The following RANBP17 variants were observed in gnomAD, a reference collection of about 807,000 sequenced individuals.
RANBP17 encodes ran-binding protein 17.
A neutral mutation model predicts 141.2 loss-of-function variants in RANBP17; 158 were observed. The observed-to-expected ratio is 1.12, with a 90% CI of 0.98 to 1.28. The LOEUF (loss-of-function observed/expected upper bound fraction) is 1.28. RANBP17 is among the 50% of genes most tolerant of loss of function. The pLI is 0.00. For missense variants in RANBP17, 1,438 were observed against 1,290.7 expected (o/e 1.11, Z -1.75); for synonymous variants, 430 against 450.0 (o/e 0.96, Z 0.56).
intron 13 of RANBP17, among the ~76,000 whole-genome samples, chr5:170,954,511 TACACACACAC>T (rs71787034): frequency 1.6e-5 from 2 of 125,708 alleles, no homozygotes; most frequent in South Asian, 2.8e-4. Flanking sequence ...TGGTATATTT[TACACACACAC>T]ACACACACAC....
chr5:170,918,411 C>CACACACACAT (rs758595022), intron 9 of RANBP17: 8 of 209,302 alleles, frequency 3.8e-5, no homozygotes, highest in African/African-American at 9.3e-5. Flanking sequence ...AGTACACACA[C>CACACACACAT]ACACACACAC....
chr5:171,247,081 C>T (rs142103974), intron 24 of RANBP17, among the ~76,000 whole-genome samples: 68 of 152,274 alleles, frequency 4.5e-4, no homozygotes, highest in Admixed American at 1.4e-3. Flanking sequence ...ATGAGGTAAG[C>T]TGTGGCTCAG....
chr5:171,265,695 T>A lies in RANBP17; in HGVS notation c.2791T>A (p.Ser931Thr). Reference protein sequence around the residue: ...GLTTLDTVVSSSCCTSLDYIV... With the variant: ...GLTTLDTVVSTSCCTSLDYIV... ...TATTTGTACAGATACAGTTGTCTCC[T>A]CCAGCTGCTGTACCAGTTTAGACTA... Residue 931 changes from serine to threonine, a missense_variant, in exon 25 of 28, where the codon TCC becomes ACC. Transcript: ENST00000523189. The A allele has an allele frequency of 3.7e-6, 6 of 1,612,866 alleles. No individual in the cohort carries two copies. The highest frequency in any genetic ancestry group is 5.1e-6 in the Non-Finnish European group (6 of 1,179,660).
chr5:171,210,364 A>G (rs1052738068), intron 20 of RANBP17, among the ~76,000 whole-genome samples: 2 of 150,916 alleles, frequency 1.3e-5, no homozygotes, highest in African/African-American at 4.9e-5. Flanking sequence ...AATTGGCACC[A>G]CTCTCATTCC....
intron 27 of RANBP17, among the ~76,000 whole-genome samples, chr5:171,297,605 C>T (rs147349079): frequency 1.7e-3 from 263 of 151,460 alleles, no homozygotes; most frequent in African/African-American, 5.6e-3. Context: ...AAGGGACAAC[C>T]TCAGAAGCCA....
intron 13 of RANBP17, among the ~76,000 whole-genome samples, chr5:170,967,129 T>C (rs1303473183): frequency 6.6e-6 from 1 of 152,100 alleles, no homozygotes; most frequent in Non-Finnish European, 1.5e-5. Context: ...CCTCCTTATG[T>C]CTGATGTGTA....
rs548752197 is a variant in RANBP17 at position 170,892,398 on chromosome 5, C to G, written c.268C>G (p.Leu90Val). ...EQRMDIRNYI[L>V]NYVASQPKLA... is the part of the protein sequence containing the mutation. ...TGTTTTCTTTGTAGGAAACTACATT[C>G]TGAATTACGTGGCATCACAGCCCAA... Residue 90 changes from leucine to valine, a missense_variant, in exon 4 of 28, where the codon CTG (leucine) becomes GTG (valine). Leu to Val is a conservative substitution (Grantham distance 32, BLOSUM62 1). Transcript: ENST00000523189. 4.7e-6 allele frequency: 7 copies of G among 1,489,510 alleles called. No individual in the cohort carries two copies. In the South Asian group the frequency reaches 5.6e-5, roughly 12 times the overall value. The allele number at this position is 1,489,510 out of a possible 1,614,324, so 92.3% of individuals were successfully genotyped here.
At chr5:171,137,243 C>G (rs527270161) in intron 14 of RANBP17, among the ~76,000 whole-genome samples, 55 of 152,090 alleles carry the variant, frequency 3.6e-4, no homozygotes, top group Non-Finnish European at 7.8e-4. Flanking sequence ...GATGAGGTCT[C>G]TTACAATTTG....
Position 170,886,843 on chromosome 5 carries a change from TC to T in RANBP17, c.256+4948del, listed in dbSNP as rs550398199. ...CCTGGCTAAGTTTTTGTATTTTTTT[TC>T]TAGAGATGGGGTTTCACCATGTTGC... On this transcript the variant is annotated intron_variant, in intron 3 of 27. Transcript: ENST00000523189. Among the ~76,000 whole-genome samples, 611 of 151,712 alleles carry T rather than the reference TC, an allele frequency of 4.0e-3. 6 individuals are homozygous for T. Among genetic ancestry groups the T allele is most frequent in the African/African-American group, 0.014 (589 of 41,354 alleles).
intron 12 of RANBP17, among the ~76,000 whole-genome samples, chr5:170,947,713 T>C (rs1774874571): frequency 6.6e-6 from 1 of 152,134 alleles, no homozygotes; most frequent in South Asian, 2.1e-4. Flanking sequence ...GCTTAGAGTG[T>C]ATACTCTATC....
intron 20 of RANBP17, chr5:171,206,257 T>G (rs1183317590): frequency 1.2e-5 from 2 of 160,856 alleles, no homozygotes; most frequent in Admixed American, 1.2e-4. Context: ...TACTGTGTTG[T>G]GAACCTTGGC....
intron 24 of RANBP17, among the ~76,000 whole-genome samples, chr5:171,254,623 G>T (rs1208478128): frequency 6.6e-6 from 1 of 152,086 alleles, no homozygotes; most frequent in Non-Finnish European, 1.5e-5. Context: ...TCTGTTGGGG[G>T]TTTTAAGAAG....
intron 3 of RANBP17, among the ~76,000 whole-genome samples, chr5:170,887,142 A>G (rs4867637): frequency 0.6 from 91,480 of 151,994 alleles, 29,244 homozygotes; most frequent in South Asian, 0.9. Flanking sequence ...ATCAGATTGT[A>G]TTCTTATTTT....
intron 18 of RANBP17, among the ~76,000 whole-genome samples, chr5:171,196,151 AGGTTATG>A (rs2127948508): frequency 6.6e-6 from 1 of 152,340 alleles, no homozygotes; most frequent in East Asian, 1.9e-4. Flanking sequence ...AAAGTAAAGC[AGGTTATG>A]GGGTTGGAAA....
At chr5:171,189,960 T>C (rs1761517382) in intron 18 of RANBP17, among the ~76,000 whole-genome samples, 1 of 151,876 alleles carries the variant, frequency 6.6e-6, no homozygotes, top group Non-Finnish European at 1.5e-5. Flanking sequence ...CATTAGATAA[T>C]GAGGATCCTC....
chr5:170,863,264 G>C (rs1766969951), intron 1 of RANBP17, among the ~76,000 whole-genome samples: 1 of 152,172 alleles, frequency 6.6e-6, no homozygotes, highest in Admixed American at 6.5e-5. Flanking sequence ...GGGACAAAGG[G>C]ATGGGATCAG....
chr5:170,977,659 C>A (rs183354701), intron 14 of RANBP17, among the ~76,000 whole-genome samples: 3 of 152,050 alleles, frequency 2.0e-5, no homozygotes, highest in Admixed American at 2.0e-4. Flanking sequence ...GTTATTCAGC[C>A]ATAAAAAGGA....
intron 25 of RANBP17, among the ~76,000 whole-genome samples, chr5:171,270,772 A>C (rs1767050658): frequency 6.6e-6 from 1 of 152,198 alleles, no homozygotes; most frequent in Admixed American, 6.5e-5. Context: ...ACTGATCCTG[A>C]AAGCTTCTCT....
intron 5 of RANBP17, among the ~76,000 whole-genome samples, chr5:170,902,588 G>A (rs1386738527): frequency 6.6e-6 from 1 of 152,204 alleles, no homozygotes; most frequent in Non-Finnish European, 1.5e-5. Flanking sequence ...ATCCTTTGGA[G>A]GAGAACAGGT....
Sources: allele counts gnomAD v4.1 joint callset (sites outside exome capture counted in the v4.1 genomes callset), GRCh38; gene constraint gnomAD v4.1.1; transcripts MANE v1.5; gene names NCBI Gene and HGNC (gene_info 2026-07-23, HGNC 2026-07-21).